TRPM8: variants seen among roughly 807,000 people sequenced by gnomAD.
TRPM8 encodes transient receptor potential cation channel subfamily M member 8.
TRPM8 carries 110 observed loss-of-function variants against 133.7 expected under a neutral mutation model. The ratio of observed to expected loss-of-function variants is 0.82; its 90% confidence interval spans 0.70 to 0.96. TRPM8 has a LOEUF of 0.96. Ranked by LOEUF, TRPM8 falls within the 40% of genes least tolerant of loss-of-function variation. The pLI, the probability that TRPM8 is intolerant of heterozygous loss-of-function variation, is 0.00. For synonymous variants in TRPM8, 535 were observed against 532.3 expected (o/e 1.01, Z -0.07); for missense variants, 1,291 against 1,379.5 (o/e 0.94, Z 1.02).
intron 20 of TRPM8, among the ~76,000 whole-genome samples, chr2:233,984,572 G>GT (rs1559541710): frequency 6.6e-6 from 1 of 152,024 alleles, no homozygotes; most frequent in Non-Finnish European, 1.5e-5. Context: ...TCTCCTAAAT[G>GT]TTTTTTTGAA....
intron 17 of TRPM8, among the ~76,000 whole-genome samples, chr2:233,977,214 AT>A (rs1473840672): frequency 6.6e-6 from 1 of 152,128 alleles, no homozygotes; most frequent in African/African-American, 2.4e-5. Flanking sequence ...GGGGATGTTT[AT>A]TTAAAATGGA....
At chr2:233,950,979 T>A (rs1446159059) in intron 9 of TRPM8, among the ~76,000 whole-genome samples, 5 of 152,110 alleles carry the variant, frequency 3.3e-5, no homozygotes, top group Admixed American at 1.3e-4. Flanking sequence ...GGCAAGAAGA[T>A]CGCTTGAGGC....
intron 12 of TRPM8, among the ~76,000 whole-genome samples, chr2:233,962,349 T>C (rs1366457649): frequency 6.6e-6 from 1 of 152,220 alleles, no homozygotes; most frequent in Non-Finnish European, 1.5e-5. Flanking sequence ...CTCTGGCTCC[T>C]AGAGTTGGCT....
chr2:233,953,016 C>T (rs1416397992), intron 9 of TRPM8, among the ~76,000 whole-genome samples: 6 of 152,116 alleles, frequency 3.9e-5, no homozygotes, highest in Admixed American at 6.6e-5. Context: ...GCTATCATCC[C>T]CACCCACCCT....
At chr2:234,005,271 G>A (rs962973280) in intron 22 of TRPM8, among the ~76,000 whole-genome samples, 2 of 152,042 alleles carry the variant, frequency 1.3e-5, no homozygotes, top group Non-Finnish European at 2.9e-5. Context: ...TGCCAACATG[G>A]GATATAGTCA....
chr2:233,928,998 TTTTTTTTTTTA>T (rs1257139197), intron 2 of TRPM8, among the ~76,000 whole-genome samples: 1 of 124,756 alleles, frequency 8.0e-6, no homozygotes, highest in African/African-American at 3.6e-5. Flanking sequence ...GTTTCTTTTC[TTTTTTTTTTTA>T]TTTTTTTGCT....
rs1471904979 is a variant in TRPM8 at position 233,985,667 on chromosome 2, TGTTG to T, written c.2762-17_2762-14del. ...CCCTCCAGAGGGTCCTCACTTTGCC[TGTTG>T]GTTTCTACATCCTCAGGTACCACGT... On this transcript the variant is annotated splice_polypyrimidine_tract_variant and intron_variant, in intron 20 of 25. Coordinates refer to ENST00000324695, the MANE Select transcript of TRPM8 (RefSeq NM_024080.5). 9 of 1,610,114 alleles carry T rather than the reference TGTTG, an allele frequency of 5.6e-6. No homozygotes were observed. The African/African-American group carries it at 9.3e-5, about 17-fold the overall frequency.
At chr2:233,973,772 A>G (rs866562158) in intron 17 of TRPM8, among the ~76,000 whole-genome samples, 7 of 152,182 alleles carry the variant, frequency 4.6e-5, no homozygotes, top group African/African-American at 1.7e-4. Context: ...GGGAATGGGA[A>G]TAGTCTGTTT....
Position 233,947,156 on chromosome 2 carries a change from G to T in TRPM8, c.942+1G>T. On this transcript the variant is annotated splice_donor_variant, in intron 8 of 25. Transcript: ENST00000324695. LOFTEE classifies it high-confidence loss of function. ...AGGAGGTGGAAAAGAGACTTTGAAAGTGAGTCCTGATTTAGTTTTCTAGAA... is the reference window on the plus strand; with the variant it reads ...AGGAGGTGGAAAAGAGACTTTGAAATTGAGTCCTGATTTAGTTTTCTAGAA... 1 of 1,614,038 alleles carries T rather than the reference G, an allele frequency of 6.2e-7. No homozygotes were observed. The highest frequency in any genetic ancestry group is 8.5e-7 in the Non-Finnish European group (1 of 1,179,878).
chr2:233,953,980 G>A lies in TRPM8; in HGVS notation c.1204G>A (p.Glu402Lys). 1 of 1,614,014 alleles carries A rather than the reference G, an allele frequency of 6.2e-7. No individual in the cohort carries two copies. Among genetic ancestry groups the A allele is most frequent in the Non-Finnish European group, 8.5e-7 (1 of 1,179,942 alleles). Residue 402 changes from glutamate to lysine, a missense_variant, in exon 10 of 26, where the codon GAA becomes AAA. By Grantham distance (56) the Glu-to-Lys change is moderately conservative. Transcript: ENST00000324695. ...TVIKMEEAGDEIVSNAISYAL... is the reference protein window; with the variant it reads ...TVIKMEEAGDKIVSNAISYAL... Reference sequence around the variant, plus strand: ...TATTAAAATGGAAGAAGCTGGGGATGAAATTGTGAGCAATGCCATCTCCTA... The same window carrying A: ...TATTAAAATGGAAGAAGCTGGGGATAAAATTGTGAGCAATGCCATCTCCTA...
intron 1 of TRPM8, among the ~76,000 whole-genome samples, chr2:233,923,213 C>T (rs567030857): frequency 8.5e-5 from 13 of 152,298 alleles, no homozygotes; most frequent in African/African-American, 2.6e-4. Flanking sequence ...ATCTGGATAC[C>T]TCTGGCCCTA....
intron 1 of TRPM8, among the ~76,000 whole-genome samples, chr2:233,925,750 C>A (rs771757379): frequency 6.6e-6 from 1 of 152,082 alleles, no homozygotes; most frequent in Non-Finnish European, 1.5e-5. Flanking sequence ...CTTTCATTTA[C>A]TGTGTCAGCA....
chr2:233,981,840 T>G lies in TRPM8; in HGVS notation c.2514T>G (p.Ile838Met). ...GRVIFCLDYI[I>M]FTLRLIHIFT... The stretch of plus-strand genomic sequence containing the variant: ...TCATTTTCTGTCTGGACTACATTAT[T>G]TTCACTCTAAGATTGATCCACATTT... The change falls in exon 19 of 26, where the codon ATT becomes ATG. Residue 838 changes from isoleucine (I) to methionine (M), a missense_variant. Ile to Met is a conservative substitution (Grantham distance 10). Coordinates refer to ENST00000324695, the MANE Select transcript of TRPM8 (RefSeq NM_024080.5). 6.2e-7 allele frequency: 1 copy of G among 1,613,964 alleles called. No homozygotes were observed. The highest frequency in any genetic ancestry group is 1.1e-5 in the South Asian group (1 of 91,032).
intron 8 of TRPM8, chr2:233,947,519 T>C (rs1574712131): frequency 7.7e-7 from 1 of 1,305,464 alleles, no homozygotes; most frequent in South Asian, 1.2e-5. Context: ...CACACACAGA[T>C]TGCCCCCAAA....
intron 21 of TRPM8, among the ~76,000 whole-genome samples, chr2:233,990,048 C>G (rs1158982892): frequency 6.6e-6 from 1 of 152,164 alleles, no homozygotes; most frequent in Non-Finnish European, 1.5e-5. Context: ...TGACCTGATA[C>G]AAACTAAAGG....
intron 17 of TRPM8, chr2:233,970,661 G>A: frequency 1.8e-6 from 1 of 551,822 alleles, no homozygotes; most frequent in Non-Finnish European, 3.2e-6. Context: ...GTTAATTGAT[G>A]GAGATGAATT....
chr2:233,986,839 A>C (rs1383859921), intron 21 of TRPM8, among the ~76,000 whole-genome samples: 1 of 152,254 alleles, frequency 6.6e-6, no homozygotes, highest in African/African-American at 2.4e-5. Context: ...TCAGAGAAAG[A>C]AAAGTCCAAT....
rs534138539 is a variant in TRPM8 at position 233,925,357 on chromosome 2, A to C, written c.-5-1176A>C. On this transcript the variant is annotated intron_variant, in intron 1 of 25. Transcript: ENST00000324695. The stretch of plus-strand genomic sequence containing the variant: ...GATCATTAAACAAATCATGATGCCC[A>C]CAGCTTGGTGCAGGTTGAAGGGGCT... Among the ~76,000 whole-genome samples the C allele has an allele frequency of 6.6e-5, 10 of 152,298 alleles. No homozygotes were observed. In the South Asian group the frequency reaches 2.1e-3, roughly 32 times the overall value.
intron 8 of TRPM8, among the ~76,000 whole-genome samples, chr2:233,948,502 A>G (rs1450067808): frequency 6.6e-6 from 1 of 152,262 alleles, no homozygotes; most frequent in Non-Finnish European, 1.5e-5. Context: ...AAGCAGCCAC[A>G]TCAAAGAGGA....
Sources: gnomAD v4.1 joint callset for allele counts (sites outside exome capture counted in the v4.1 genomes callset) on GRCh38, gnomAD v4.1.1 for gene constraint, MANE v1.5 for transcripts, NCBI Gene and HGNC (gene_info 2026-07-23, HGNC 2026-07-21) for gene names.